The following FREM1 variants were observed in gnomAD, a reference collection of about 807,000 sequenced individuals.
FREM1 encodes the protein FRAS1 related extracellular matrix 1, also known as FRAS1-related extracellular matrix protein 1.
A neutral mutation model predicts 210.1 loss-of-function variants in FREM1; 220 were observed. The ratio of observed to expected loss-of-function variants is 1.05; its 90% confidence interval spans 0.94 to 1.17. The LOEUF is 1.17. FREM1 is among the 50% of genes most tolerant of loss of function. The pLI, the probability that FREM1 is intolerant of heterozygous loss-of-function variation, is 0.00. For missense variants in FREM1, 3,454 were observed against 2,675.5 expected, an observed-to-expected ratio of 1.29 and a Z score of -6.42; for synonymous variants, 1,189 against 980.2, an observed-to-expected ratio of 1.21 and a Z score of -3.98.
Position 14,812,946 on chromosome 9 carries a change from T to C in FREM1, c.2759A>G (p.Asp920Gly), listed in dbSNP as rs769911080. ...AAACATCAACTTCAAGTTATCGCTG[T>C]CCACATCAGTAGCAAAAATGTATTC... ...TSEYIFATDV[D>G]SDNLKLMFVI... Residue 920 changes from aspartate to glycine, a missense_variant, in exon 16 of 37, where the codon GAC (aspartate) becomes GGC (glycine). Coordinates refer to ENST00000380880, the MANE Select transcript of FREM1 (RefSeq NM_001379081.2). 11 of 1,613,836 alleles carry C rather than the reference T, an allele frequency of 6.8e-6. No individual in the cohort carries two copies. The highest frequency in any genetic ancestry group is 6.7e-5 in the African/African-American group (5 of 74,910).
chr9:14,842,461 T>C lies in FREM1; in HGVS notation c.1593A>G (p.Glu531=). Residue 531 remains glutamate, a synonymous_variant, in exon 9 of 37, where the codon GAA becomes GAG. Coordinates refer to ENST00000380880, the MANE Select transcript of FREM1 (RefSeq NM_001379081.2). ...PPFLITNVVI[E]LEEGQTILIQ... ...TCAGGATGGTCTGCCCCTCCTCCAG[T>C]TCAATCACAACATTGGTTATGAGGA... 1 of 1,613,994 alleles carries C rather than the reference T, an allele frequency of 6.2e-7. No homozygotes were observed.
rs555816779 is a variant in FREM1 at position 14,814,619 on chromosome 9, G to C, written c.2641-1555C>G. ...TTAAGAAAAAACCATCTTTGTTCAAGTCCCCTGAGTGAATTCATTTAAGAC... is the reference window on the plus strand; with the variant it reads ...TTAAGAAAAAACCATCTTTGTTCAACTCCCCTGAGTGAATTCATTTAAGAC... On this transcript the variant is annotated intron_variant, in intron 15 of 36. Coordinates refer to ENST00000380880, the MANE Select transcript of FREM1 (RefSeq NM_001379081.2). Among the ~76,000 whole-genome samples the C allele has an allele frequency of 1.2e-4, 18 of 152,262 alleles. 1 individual carries two copies. The highest frequency in any genetic ancestry group is 9.8e-4 in the Admixed American group (15 of 15,292).
At chr9:14,755,108 T>C (rs1844075871) in intron 29 of FREM1, among the ~76,000 whole-genome samples, 1 of 152,182 alleles carries the variant, frequency 6.6e-6, no homozygotes, top group African/African-American at 2.4e-5. Context: ...GAAGTAATCC[T>C]TCATGCTGAC....
In FREM1 at chr9:14,759,895, T is replaced by C. The variant is rs1344413696; in HGVS notation, c.5211A>G (p.Glu1737=). ...TGNSATPQIL[E]LKWSHIEWSQ... is the part of the protein sequence containing the mutation. ...ACCATTCAATATGAGACCACTTCAGTTCCAAACTGTGTGTGAAAGGAAAAG... is the reference window on the plus strand; with the variant it reads ...ACCATTCAATATGAGACCACTTCAGCTCCAAACTGTGTGTGAAAGGAAAAG... The change falls in exon 28 of 37, where the codon GAA becomes GAG. Residue 1737 remains glutamate, a synonymous_variant. Coordinates refer to ENST00000380880, the MANE Select transcript of FREM1 (RefSeq NM_001379081.2). 1 of 1,609,010 alleles carries C rather than the reference T, an allele frequency of 6.2e-7. No homozygotes were observed. Among genetic ancestry groups the C allele is most frequent in the Non-Finnish European group, 8.5e-7 (1 of 1,177,236 alleles).
intron 25 of FREM1, 49 bp from the exon 26 acceptor site, chr9:14,770,855 C>G (rs115162237): frequency 1.4e-6 from 2 of 1,390,872 alleles, no homozygotes; most frequent in East Asian, 2.4e-5. Flanking sequence ...CCCCTCACCC[C>G]CATGCAACGT....
intron 1 of FREM1, among the ~76,000 whole-genome samples, chr9:14,901,878 G>A (rs1253835149): frequency 1.3e-5 from 2 of 152,102 alleles, no homozygotes; most frequent in African/African-American, 2.4e-5. Flanking sequence ...AAGAGATGGG[G>A]TCTCACGCTG....
At chr9:14,752,846 C>T (rs547718029) in intron 29 of FREM1, among the ~76,000 whole-genome samples, 62 of 151,722 alleles carry the variant, frequency 4.1e-4, no homozygotes, top group African/African-American at 1.4e-3. Context: ...ATTATAGTAC[C>T]CCCCAAACAA....
chr9:14,737,910 G>C (rs1444424195), intron 36 of FREM1, among the ~76,000 whole-genome samples: 1 of 152,130 alleles, frequency 6.6e-6, no homozygotes, highest in Non-Finnish European at 1.5e-5. Flanking sequence ...AAAAGATAAT[G>C]CATGTAAAGC....
At chr9:14,853,114 T>C (rs529698659) in intron 5 of FREM1, among the ~76,000 whole-genome samples, 2 of 152,298 alleles carry the variant, frequency 1.3e-5, no homozygotes, top group East Asian at 3.9e-4. Flanking sequence ...AGCAATGCCA[T>C]ATCTCCTGTC....
intron 1 of FREM1, among the ~76,000 whole-genome samples, chr9:14,904,631 A>G (rs1449646906): frequency 6.6e-6 from 1 of 152,222 alleles, no homozygotes; most frequent in Non-Finnish European, 1.5e-5. Context: ...GAAAGTCTCA[A>G]CTTTCAGAAA....
At chr9:14,864,854 G>A (rs186481151) in intron 2 of FREM1, among the ~76,000 whole-genome samples, 52 of 152,206 alleles carry the variant, frequency 3.4e-4, no homozygotes, top group African/African-American at 1.1e-3. Context: ...TTCTTTTCCC[G>A]CAGATATCAT....
intron 1 of FREM1, among the ~76,000 whole-genome samples, chr9:14,885,018 G>C (rs1245456964): frequency 8.5e-6 from 1 of 118,112 alleles, no homozygotes; most frequent in Non-Finnish European, 1.6e-5. Flanking sequence ...TCCGCCTCCC[G>C]GGTTCACGCC....
chr9:14,891,158 A>C (rs749652750), intron 1 of FREM1, among the ~76,000 whole-genome samples: 3 of 152,228 alleles, frequency 2.0e-5, no homozygotes, highest in Non-Finnish European at 4.4e-5. Flanking sequence ...GAACAACACC[A>C]AACTGTGTAA....
chr9:14,798,683 ATTTTTTTTGTGACAGAGTCTCAC>A (rs976225616), intron 20 of FREM1, among the ~76,000 whole-genome samples: 4 of 151,792 alleles, frequency 2.6e-5, no homozygotes, highest in African/African-American at 9.7e-5. Flanking sequence ...AATAATAACA[ATTTTTTTTGTGACAGAGTCTCAC>A]TCTGTCACCC....
rs189978001 is a variant in FREM1 at position 14,869,325 on chromosome 9, C to A, written c.-267-81G>T. On this transcript the variant is annotated intron_variant, in intron 1 of 36. Coordinates refer to ENST00000380880, the MANE Select transcript of FREM1 (RefSeq NM_001379081.2). ...TGGCTATTCAAAAGATCGCTACCAA[C>A]AAAGGGATCTTTCAACCAGCCTATG... 4.1e-3 allele frequency: 879 copies of A among 212,196 alleles called. 6 individuals carry two copies. The highest frequency in any genetic ancestry group is 6.1e-3 in the Non-Finnish European group (643 of 105,170). 13.1% of individuals were successfully genotyped at this position (212,196 alleles called of 1,614,324 possible).
At chr9:14,892,951 C>T (rs571628640) in intron 1 of FREM1, among the ~76,000 whole-genome samples, 7 of 152,188 alleles carry the variant, frequency 4.6e-5, no homozygotes, top group East Asian at 1.9e-4. Flanking sequence ...AGGGTCCAGC[C>T]GGGGGCACGT....
chr9:14,769,676 C>T (rs756233764), intron 27 of FREM1, 48 bp downstream of exon 27: 7 of 1,574,698 alleles, frequency 4.4e-6, no homozygotes, highest in Non-Finnish European at 5.2e-6. Flanking sequence ...TATTCAGATA[C>T]ATTATGGATG....
intron 10 of FREM1, among the ~76,000 whole-genome samples, chr9:14,838,541 A>C (rs570001792): frequency 1.3e-5 from 2 of 152,112 alleles, no homozygotes; most frequent in Non-Finnish European, 2.9e-5. Context: ...TGGCATGCAC[A>C]CACTTATTTC....
At chr9:14,788,110 AAGCATTCAGTCAATCAAGCATGTACTG>A (rs1563928396) in intron 23 of FREM1, among the ~76,000 whole-genome samples, 1 of 152,150 alleles carries the variant, frequency 6.6e-6, no homozygotes, top group Non-Finnish European at 1.5e-5. Context: ...AAAAAAAGGG[AAGCATTCAGTCAATCAAGCATGTACTG>A]AGGATCTAAG....
Sources: allele counts gnomAD v4.1 joint callset (sites outside exome capture counted in the v4.1 genomes callset), GRCh38; gene constraint gnomAD v4.1.1; transcripts MANE v1.5; gene names NCBI Gene and HGNC (gene_info 2026-07-23, HGNC 2026-07-21).